The following FOXN1 variants were observed in gnomAD, a reference collection of about 807,000 sequenced individuals.
FOXN1 encodes the protein forkhead box N1.
A neutral mutation model predicts 49.0 loss-of-function variants in FOXN1; 15 were observed. The ratio of observed to expected loss-of-function variants is 0.31; its 90% CI spans 0.20 to 0.47. FOXN1 has a LOEUF of 0.47. Among genes scored for constraint, FOXN1 ranks in the 20% least tolerant of loss-of-function variants. FOXN1 has a pLI of 1.00. For synonymous variants in FOXN1, 356 were observed against 369.0 expected, an observed-to-expected ratio of 0.96 and a Z score of 0.40; for missense variants, 800 against 842.8, an observed-to-expected ratio of 0.95 and a Z score of 0.63.
chr17:28,512,518 A>C (rs1048513203), intron 1 of FOXN1, among the ~76,000 whole-genome samples: 4 of 152,202 alleles, frequency 2.6e-5, no homozygotes, highest in Non-Finnish European at 4.4e-5. Context: ...CGTGGCATGC[A>C]CTTTTAGTCT....
intron 1 of FOXN1, among the ~76,000 whole-genome samples, chr17:28,521,902 A>G (rs2069649663): frequency 6.6e-6 from 1 of 152,252 alleles, no homozygotes; most frequent in Admixed American, 6.5e-5. Context: ...AGCTCCGGAA[A>G]GAGCATGGCC....
intron 1 of FOXN1, 144 bp from the exon 2 acceptor site, chr17:28,523,797 TCTCTCTCTCTCTCTC>T: frequency 2.0e-4 from 5 of 24,756 alleles, no homozygotes; most frequent in Non-Finnish European, 6.8e-4. Flanking sequence ...TCTGGTTCTC[TCTCTCTCTCTCTCTC>T]TCTCTCTCTC....
At position 28,534,630 on chromosome 17, in the gene FOXN1, C is replaced by T. The variant is rs117946005; in HGVS notation, c.1136-77C>T. On this transcript the variant is annotated intron_variant, in intron 7 of 8. Transcript: ENST00000579795. The surrounding 1 kb of genome is among the most constrained non-coding windows in gnomAD (Gnocchi z 4.1). ...AGAATCAGAGAATGAGGCAAGGCCC[C>T]GAGTAAGGGTTCCAGTCTGGGGAAG... 11 of 1,606,004 alleles carry T rather than the reference C, an allele frequency of 6.8e-6. No homozygotes were observed. The highest frequency in any genetic ancestry group is 3.3e-5 in the South Asian group (3 of 89,992).
At chr17:28,525,271 C>T (rs2069741312) in intron 3 of FOXN1, among the ~76,000 whole-genome samples, 2 of 150,884 alleles carry the variant, frequency 1.3e-5, no homozygotes, top group African/African-American at 2.4e-5. Flanking sequence ...TCCAGCCAGA[C>T]CTACACACCC....
chr17:28,531,258 G>T (rs1332472708), intron 6 of FOXN1, among the ~76,000 whole-genome samples: 2 of 152,180 alleles, frequency 1.3e-5, no homozygotes, highest in Admixed American at 1.3e-4. Flanking sequence ...CTGGGAGGTC[G>T]GGGCTGAAGA....
In FOXN1 at chr17:28,534,755, C is replaced by T. The variant is rs199739943; in HGVS notation, c.1184C>T (p.Pro395Leu). The change falls in exon 8 of 9, where the codon CCA becomes CTA. Residue 395 changes from proline (P) to leucine (L), a missense_variant. By Grantham distance (98) the Pro-to-Leu change is moderately conservative. Transcript: ENST00000579795. The surrounding 1 kb of genome is among the most constrained non-coding windows in gnomAD (Gnocchi z 4.1). ...IGDKREKLGS[P>L]LLGCPPPGLS... ...GACAAGAGAGAAAAGCTGGGCTCCC[C>T]ACTCCTGGGCTGTCCGCCCCCTGGG... 3.9e-4 allele frequency: 632 copies of T among 1,613,646 alleles called. 2 individuals are homozygous for T. Among genetic ancestry groups the T allele is most frequent in the East Asian group, 3.0e-3 (133 of 44,854 alleles).
chr17:28,514,966 T>A (rs2069465876), intron 1 of FOXN1, among the ~76,000 whole-genome samples: 1 of 152,182 alleles, frequency 6.6e-6, no homozygotes, highest in Admixed American at 6.5e-5. Flanking sequence ...TTCAGCATGC[T>A]GGCTTTGAAG....
rs566941323 is a variant in FOXN1 at position 28,519,721 on chromosome 17, A to G, written c.-14-4235A>G. ...GACCTCCCGAGAGATCCAAAACAAG[A>G]GAGTCAACCCCCCTCCTCTCCACAT... On this transcript the variant is annotated intron_variant, in intron 1 of 8. Coordinates refer to ENST00000579795, the MANE Select transcript of FOXN1 (RefSeq NM_001369369.1). Among the ~76,000 whole-genome samples the G allele has an allele frequency of 3.9e-5, 6 of 152,204 alleles. No homozygotes were observed. The South Asian group carries it at 1.2e-3, about 32-fold the overall frequency.
chr17:28,525,785 A>G (rs532434117), intron 3 of FOXN1, among the ~76,000 whole-genome samples: 8 of 152,068 alleles, frequency 5.3e-5, no homozygotes, highest in Non-Finnish European at 1.2e-4. Context: ...AAAGGCTTAG[A>G]AGGAAGATGG....
rs2069901389 is a variant in FOXN1, at chr17:28,531,058, C to T, written c.927+213C>T. 2.0e-5 allele frequency among the ~76,000 whole-genome samples: 3 copies of T among 152,230 alleles called. No individual in the cohort carries two copies. The South Asian group carries it at 6.2e-4, about 32-fold the overall frequency. Reference sequence around the variant, plus strand: ...TGGGGAACAGAGAGCCCAAGTGGCTCATCCAAGGTTGCACAGCAGACTGGA... The same window carrying T: ...TGGGGAACAGAGAGCCCAAGTGGCTTATCCAAGGTTGCACAGCAGACTGGA... On this transcript the variant is annotated intron_variant, in intron 6 of 8. Transcript: ENST00000579795.
At position 28,524,543 on chromosome 17, in the gene FOXN1, G is replaced by A; in HGVS notation, c.164G>A (p.Gly55Asp). The change falls in exon 3 of 9, where the codon GGC becomes GAC. Residue 55 changes from glycine to aspartate, a missense_variant. Gly to Asp is a moderately conservative substitution (Grantham distance 94). Coordinates refer to ENST00000579795, the MANE Select transcript of FOXN1 (RefSeq NM_001369369.1). The stretch of plus-strand genomic sequence containing the variant: ...AGCTGCTCGTCATTTGTGTCCGACG[G>A]CCCTCCAGAGAGGACACCCTCACTG... Reference protein sequence around the residue: ...GFSCSSFVSDGPPERTPSLPP... With the variant: ...GFSCSSFVSDDPPERTPSLPP... 6.2e-7 allele frequency: 1 copy of A among 1,613,680 alleles called. No individual in the cohort carries two copies. The highest frequency in any genetic ancestry group is 8.5e-7 in the Non-Finnish European group (1 of 1,179,984).
chr17:28,537,668 A>G lies in FOXN1; in HGVS notation c.*232A>G. 3.3e-6 allele frequency: 2 copies of G among 611,286 alleles called. No homozygotes were observed. The highest frequency in any genetic ancestry group is 5.9e-6 in the Non-Finnish European group (2 of 338,634). 37.9% of individuals were successfully genotyped at this position (611,286 alleles called of 1,614,324 possible). A position where few individuals can be genotyped will look rare whatever the true frequency, so the allele number is the denominator to read the frequency against. ...CCCAGCTCCTCACCCAGGGCCCCCAAAGAGCAAGCGTCTGGGCAAGAGGAA... is the reference window on the plus strand; with the variant it reads ...CCCAGCTCCTCACCCAGGGCCCCCAGAGAGCAAGCGTCTGGGCAAGAGGAA... On this transcript the variant is annotated 3_prime_UTR_variant, in exon 9 of 9. Transcript: ENST00000579795.
intron 1 of FOXN1, among the ~76,000 whole-genome samples, chr17:28,511,858 G>A (rs1404731193): frequency 6.6e-6 from 1 of 152,100 alleles, no homozygotes; most frequent in Non-Finnish European, 1.5e-5. Flanking sequence ...AGATTATAAC[G>A]CCAGGTTACG....
At chr17:28,527,679 A>G (rs2069805023) in intron 4 of FOXN1, among the ~76,000 whole-genome samples, 1 of 152,208 alleles carries the variant, frequency 6.6e-6, no homozygotes, top group Non-Finnish European at 1.5e-5. Context: ...GCTGCCCCAG[A>G]CAGAGAGAGG....
intron 1 of FOXN1, among the ~76,000 whole-genome samples, chr17:28,523,500 C>T (rs1051019274): frequency 6.6e-6 from 1 of 152,122 alleles, no homozygotes; most frequent in Non-Finnish European, 1.5e-5. Context: ...AGCTCACTCT[C>T]CCCTCAGGAC....
At chr17:28,528,976 C>G in intron 4 of FOXN1, 118 bp from the exon 5 acceptor site, 1 of 1,357,262 alleles carries the variant, frequency 7.4e-7, no homozygotes, top group Non-Finnish European at 1.0e-6. Context: ...GGGCCCATGA[C>G]CCAGGAGGGA....
chr17:28,510,588 A>ACG (rs1567869834), intron 1 of FOXN1, among the ~76,000 whole-genome samples: 14 of 136,168 alleles, frequency 1.0e-4, no homozygotes, highest in South Asian at 8.8e-4. Context: ...ACGCACACAC[A>ACG]CACACACACA....
At chr17:28,516,795 T>A (rs1342649289) in intron 1 of FOXN1, among the ~76,000 whole-genome samples, 3 of 23,316 alleles carry the variant, frequency 1.3e-4, no homozygotes, top group African/African-American at 3.1e-4. Flanking sequence ...AGGGTACACA[T>A]CTCCACAGGG....
intron 3 of FOXN1, among the ~76,000 whole-genome samples, chr17:28,526,740 G>A (rs939544031): frequency 3.3e-5 from 5 of 152,178 alleles, no homozygotes; most frequent in Non-Finnish European, 7.4e-5. Context: ...GCTTCCTGGG[G>A]CTGTACAGAG....
Sources: allele counts gnomAD v4.1 joint callset (sites outside exome capture counted in the v4.1 genomes callset), GRCh38; gene constraint gnomAD v4.1.1; non-coding constraint Gnocchi (gnomAD v3.1); transcripts MANE v1.5; gene names NCBI Gene and HGNC (gene_info 2026-07-23, HGNC 2026-07-21).